The following PLAAT1 variants were observed in gnomAD, a reference collection of about 807,000 sequenced individuals.
PLAAT1 encodes the protein H-REV107 protein-related protein.
Under a neutral mutation model 16.4 loss-of-function variants are expected in PLAAT1, and 13 were observed. The observed-to-expected ratio is 0.79, with a 90% CI of 0.52 to 1.26. The LOEUF (loss-of-function observed/expected upper bound fraction) is 1.26. Ranked by LOEUF, PLAAT1 falls within the 50% of genes most tolerant of loss-of-function variation. The pLI, the probability that PLAAT1 is intolerant of heterozygous loss-of-function variation, is 0.00. For missense variants in PLAAT1, 218 were observed against 207.8 expected (o/e 1.05, Z -0.30); for synonymous variants, 73 against 78.4 (o/e 0.93, Z 0.36).
rs548068642 is a variant in PLAAT1, at chr3:193,244,394, CATT to C, written c.-1+2862_-1+2864del. On this transcript the variant is annotated intron_variant, in intron 1 of 3. Coordinates refer to ENST00000264735, the MANE Select transcript of PLAAT1 (RefSeq NM_020386.5). ...GTTAATGACAATGATGACTCTGCAT[CATT>C]GTCAACATTTGATGTTGTCACTGTT... Among the ~76,000 whole-genome samples the C allele has an allele frequency of 1.2e-4, 18 of 151,950 alleles. No individual in the cohort carries two copies. In the South Asian group the frequency reaches 3.7e-3, roughly 32 times the overall value.
chr3:193,255,801 T>C lies in PLAAT1; in HGVS notation c.139+12T>C, dbSNP rs199663185. On this transcript the variant is annotated intron_variant, in intron 2 of 3. Transcript: ENST00000264735. ...CATAGCACCTGTAGGTGAGGTTTAT[T>C]TCCAGTGGCTCCTGGGAGCAAAGTT... 96 of 1,565,044 alleles carry C rather than the reference T, an allele frequency of 6.1e-5. No homozygotes were observed. In the East Asian group the frequency reaches 2.1e-3, roughly 34 times the overall value.
chr3:193,279,605 A>G, downstream of PLAAT1: 3 of 626,706 alleles, frequency 4.8e-6, no homozygotes, highest in Non-Finnish European at 8.6e-6. Flanking sequence ...AATATGTTCT[A>G]ATGCTTATAA....
chr3:193,277,775 A>G (rs935487253), downstream of PLAAT1: 5 of 152,232 alleles, frequency 3.3e-5, no homozygotes, highest in African/African-American at 1.2e-4. Flanking sequence ...ACTCCAATCC[A>G]GAACTAACTC....
chr3:193,241,602 A>C, intron 1 of PLAAT1, 69 bp downstream of exon 1: 7 of 1,114,296 alleles, frequency 6.3e-6, no homozygotes, highest in Non-Finnish European at 7.9e-6. Context: ...ACCAACTGGC[A>C]AGTGGGAAAA....
intron 2 of PLAAT1, among the ~76,000 whole-genome samples, chr3:193,261,141 G>A (rs1716569631): frequency 6.6e-6 from 1 of 152,186 alleles, no homozygotes; most frequent in South Asian, 2.1e-4. Flanking sequence ...GCCAAGGCAG[G>A]CAGATCAGTT....
downstream of PLAAT1, among the ~76,000 whole-genome samples, chr3:193,280,300 C>T (rs192550378): frequency 6.6e-6 from 1 of 152,300 alleles, no homozygotes; most frequent in African/African-American, 2.4e-5. Context: ...GATCCACCCG[C>T]CTCGGCCTCC....
intron 1 of PLAAT1, among the ~76,000 whole-genome samples, chr3:193,247,602 A>C (rs1005770664): frequency 6.6e-6 from 1 of 152,226 alleles, no homozygotes; most frequent in Non-Finnish European, 1.5e-5. Context: ...AGCTGAGCTA[A>C]GGAGTAAAAA....
downstream of PLAAT1, among the ~76,000 whole-genome samples, chr3:193,275,811 A>G (rs1717171765): frequency 6.6e-6 from 1 of 152,198 alleles, no homozygotes; most frequent in Admixed American, 6.5e-5. Context: ...CAAATTTTGC[A>G]TCCCAGTTTT....
chr3:193,279,375 A>T (rs1717375838), downstream of PLAAT1: 1 of 1,613,294 alleles, frequency 6.2e-7, no homozygotes. Flanking sequence ...CCTCCATTCC[A>T]CGGTATATAA....
intron 2 of PLAAT1, among the ~76,000 whole-genome samples, chr3:193,257,619 G>C (rs1716426799): frequency 6.6e-6 from 1 of 152,156 alleles, no homozygotes; most frequent in African/African-American, 2.4e-5. Flanking sequence ...ATCGATGAGT[G>C]ATGCTTAATA....
Position 193,241,519 on chromosome 3 carries a change from C to T in PLAAT1, c.-15C>T, listed in dbSNP as rs1211262768. The T allele has an allele frequency of 4.1e-6, 5 of 1,231,748 alleles. No homozygotes were observed. The African/African-American group carries it at 7.8e-5, about 19-fold the overall frequency. 76.3% of individuals were successfully genotyped at this position (1,231,748 alleles called of 1,614,324 possible). A position where few individuals can be genotyped will look rare whatever the true frequency, so the allele number is the denominator to read the frequency against. The stretch of plus-strand genomic sequence containing the variant: ...GCCTCCCGGTGCGAGAAGAAGACCC[C>T]GGCTTGAGAGTGAGGTGTGCTGGGC... On this transcript the variant is annotated 5_prime_UTR_variant, in exon 1 of 4. Coordinates refer to ENST00000264735, the MANE Select transcript of PLAAT1 (RefSeq NM_020386.5).
chr3:193,260,146 T>G (rs1037158792), intron 2 of PLAAT1, among the ~76,000 whole-genome samples: 11 of 152,130 alleles, frequency 7.2e-5, no homozygotes, highest in Admixed American at 2.6e-4. Flanking sequence ...AATAACTGGC[T>G]AGCCATATGC....
intron 1 of PLAAT1, among the ~76,000 whole-genome samples, chr3:193,244,938 T>G (rs1205871837): frequency 1.3e-5 from 2 of 152,190 alleles, no homozygotes; most frequent in South Asian, 2.1e-4. Flanking sequence ...CTGCCCCACT[T>G]CTCAATACTA....
At chr3:193,270,507 C>A in intron 3 of PLAAT1, 97 bp from the exon 4 acceptor site, 1 of 1,022,572 alleles carries the variant, frequency 9.8e-7, no homozygotes, top group Non-Finnish European at 1.4e-6. Flanking sequence ...TACATTAAAA[C>A]AGGTGTTCAG....
At chr3:193,260,829 A>T (rs891480601) in intron 2 of PLAAT1, among the ~76,000 whole-genome samples, 9 of 152,236 alleles carry the variant, frequency 5.9e-5, no homozygotes, top group African/African-American at 1.7e-4. Flanking sequence ...CATTTGATCC[A>T]GCAATCCTAT....
At chr3:193,272,374 G>A (rs926261443), downstream of PLAAT1, among the ~76,000 whole-genome samples, 56 of 152,138 alleles carry the variant, frequency 3.7e-4, no homozygotes, top group Non-Finnish European at 7.4e-5. Context: ...ACCCAGGAGC[G>A]GAGGTTGCAG....
chr3:193,261,409 G>A (rs949714868), intron 2 of PLAAT1, among the ~76,000 whole-genome samples: 2 of 151,860 alleles, frequency 1.3e-5, no homozygotes, highest in East Asian at 3.9e-4. Flanking sequence ...ATAACCTGGA[G>A]TATTTTCCTC....
At chr3:193,248,940 T>C (rs1399069063) in intron 1 of PLAAT1, among the ~76,000 whole-genome samples, 1 of 152,178 alleles carries the variant, frequency 6.6e-6, no homozygotes, top group Non-Finnish European at 1.5e-5. Flanking sequence ...TTAGTGATAT[T>C]TTCCTTCAAT....
chr3:193,253,517 C>A (rs1296611940), intron 1 of PLAAT1, among the ~76,000 whole-genome samples: 2 of 152,114 alleles, frequency 1.3e-5, no homozygotes, highest in African/African-American at 4.8e-5. Flanking sequence ...TTATCAGCTC[C>A]CAAAGGGTTA....
Sources: gnomAD v4.1 joint callset for allele counts (sites outside exome capture counted in the v4.1 genomes callset) on GRCh38, gnomAD v4.1.1 for gene constraint, MANE v1.5 for transcripts, NCBI Gene and HGNC (gene_info 2026-07-23, HGNC 2026-07-21) for gene names.